DPY19L1: variants seen among roughly 807,000 people sequenced by gnomAD.
DPY19L1 encodes dpy-19 like C-mannosyltransferase 1.
DPY19L1 carries 35 observed loss-of-function variants against 96.9 expected under a neutral mutation model. That is an observed-to-expected ratio of 0.36 (90% confidence interval 0.28 to 0.48). The LOEUF (loss-of-function observed/expected upper bound fraction) is 0.48, where lower values mean the gene tolerates loss of function less well. DPY19L1 is among the 20% of genes least tolerant of loss of function. DPY19L1 has a pLI of 0.99. For missense variants in DPY19L1, 521 were observed against 777.9 expected (o/e 0.67, Z 3.93); for synonymous variants, 205 against 252.6 (o/e 0.81, Z 1.79).
chr7:34,979,328 C>T (rs1182816774), intron 7 of DPY19L1, among the ~76,000 whole-genome samples: 2 of 151,910 alleles, frequency 1.3e-5, no homozygotes, highest in African/African-American at 2.4e-5. Flanking sequence ...ATCAACATAA[C>T]CAAAATTCTG....
chr7:35,033,756 G>T (rs115006982), intron 1 of DPY19L1, among the ~76,000 whole-genome samples: 1 of 152,014 alleles, frequency 6.6e-6, no homozygotes, highest in East Asian at 1.9e-4. Context: ...CTAAGAAGTC[G>T]CAAGTGTTTC....
At chr7:34,955,997 T>C (rs189642099) in intron 11 of DPY19L1, among the ~76,000 whole-genome samples, 28 of 152,314 alleles carry the variant, frequency 1.8e-4, no homozygotes, top group Admixed American at 1.8e-3. Context: ...TGTGTGTTTA[T>C]AGTTAAATAT....
chr7:34,943,119 T>C (rs1051553185), intron 16 of DPY19L1, among the ~76,000 whole-genome samples: 6 of 152,200 alleles, frequency 3.9e-5, no homozygotes, highest in Non-Finnish European at 5.9e-5. Flanking sequence ...CCTAGAGTAA[T>C]ACCTGACACT....
intron 6 of DPY19L1, among the ~76,000 whole-genome samples, chr7:34,992,675 T>G (rs1785198973): frequency 4.0e-5 from 6 of 151,600 alleles, no homozygotes; most frequent in Admixed American, 3.9e-4. Context: ...GCCTCCAGAG[T>G]AGCTGAAACT....
At chr7:35,009,424 AAAG>A (rs1438027755) in intron 6 of DPY19L1, among the ~76,000 whole-genome samples, 3 of 152,234 alleles carry the variant, frequency 2.0e-5, no homozygotes, top group Admixed American at 6.5e-5. Flanking sequence ...AATTGGCAAA[AAAG>A]AAGTAAACAT....
intron 6 of DPY19L1, among the ~76,000 whole-genome samples, chr7:35,004,890 G>A (rs1785515993): frequency 6.6e-6 from 1 of 152,030 alleles, no homozygotes; most frequent in South Asian, 2.1e-4. Flanking sequence ...CACTCCGCAG[G>A]GGCATTGTTC....
intron 7 of DPY19L1, among the ~76,000 whole-genome samples, chr7:34,980,207 G>T (rs924624804): frequency 5.3e-5 from 8 of 152,082 alleles, no homozygotes; most frequent in African/African-American, 1.9e-4. Flanking sequence ...TATTTGGGGT[G>T]GGGTAGGGGA....
At chr7:35,016,688 T>C (rs1785855400) in intron 3 of DPY19L1, among the ~76,000 whole-genome samples, 1 of 152,182 alleles carries the variant, frequency 6.6e-6, no homozygotes, top group Non-Finnish European at 1.5e-5. Context: ...CAACCAGATA[T>C]GATGTGCCTC....
At chr7:34,997,502 C>T (rs536703793) in intron 6 of DPY19L1, among the ~76,000 whole-genome samples, 4 of 145,242 alleles carry the variant, frequency 2.8e-5, no homozygotes, top group East Asian at 2.0e-4. Context: ...CCCAGCTACT[C>T]GGGAGGCTGA....
At chr7:35,010,642 G>A (rs1785687924) in intron 5 of DPY19L1, 81 bp from the exon 6 acceptor site, 3 of 955,098 alleles carry the variant, frequency 3.1e-6, no homozygotes, top group South Asian at 1.5e-5. Context: ...ATTAAATTGT[G>A]TTCATTTTGA....
intron 1 of DPY19L1, among the ~76,000 whole-genome samples, chr7:35,027,512 T>A (rs1311280818): frequency 6.6e-6 from 1 of 151,872 alleles, no homozygotes; most frequent in East Asian, 1.9e-4. Context: ...AGTTTCAAAG[T>A]GAGAAGCAAG....
chr7:34,942,927 C>A (rs1037403620), intron 16 of DPY19L1, among the ~76,000 whole-genome samples: 6 of 152,126 alleles, frequency 3.9e-5, no homozygotes, highest in Non-Finnish European at 8.8e-5. Context: ...ACTGGTGATA[C>A]CCCAGCAAAG....
chr7:35,028,531 C>T (rs1786182723), intron 1 of DPY19L1, among the ~76,000 whole-genome samples: 1 of 152,140 alleles, frequency 6.6e-6, no homozygotes. Flanking sequence ...TCTAATTTCC[C>T]TTAAAAGTCT....
Position 34,960,490 on chromosome 7 carries a change from T to C in DPY19L1, c.1093-2420A>G, listed in dbSNP as rs1254928720. 2.0e-5 allele frequency among the ~76,000 whole-genome samples: 3 copies of C among 152,176 alleles called. No homozygotes were observed. In the East Asian group the frequency reaches 5.8e-4, roughly 29 times the overall value. ...ATTATATTAAATATGCATCAATGAA[T>C]ATGATTTCATTGTTTCCAGTAGTAG... On this transcript the variant is annotated intron_variant, in intron 10 of 21. Coordinates refer to ENST00000638088, the MANE Select transcript of DPY19L1 (RefSeq NM_001366673.1).
intron 4 of DPY19L1, among the ~76,000 whole-genome samples, chr7:35,011,777 G>A (rs1785718009): frequency 5.9e-5 from 9 of 152,144 alleles, no homozygotes; most frequent in Admixed American, 4.6e-4. Flanking sequence ...GGAATAGACC[G>A]AATTATTTAA....
intron 5 of DPY19L1, among the ~76,000 whole-genome samples, chr7:35,010,985 G>C (rs990708688): frequency 2.0e-5 from 3 of 152,124 alleles, no homozygotes; most frequent in Non-Finnish European, 4.4e-5. Flanking sequence ...CTTTCAAAAA[G>C]CCCAAGTCAC....
intron 1 of DPY19L1, among the ~76,000 whole-genome samples, chr7:35,030,761 A>G: frequency 6.6e-6 from 1 of 152,208 alleles, no homozygotes; most frequent in East Asian, 1.9e-4. Context: ...ATGTATTCTG[A>G]AAATAAATTA....
chr7:35,036,973 G>A (rs1020175610), intron 1 of DPY19L1, 124 bp downstream of exon 1: 5 of 153,596 alleles, frequency 3.3e-5, no homozygotes, highest in African/African-American at 4.9e-5. Context: ...TGGCTGGTCC[G>A]GCTGGCGGGG....
At chr7:34,951,294 T>C (rs951429627) in intron 13 of DPY19L1, among the ~76,000 whole-genome samples, 14 of 152,144 alleles carry the variant, frequency 9.2e-5, no homozygotes, top group African/African-American at 3.1e-4. Flanking sequence ...TACAATCAAT[T>C]AGCTCACAAA....
Sources: allele counts gnomAD v4.1 joint callset (sites outside exome capture counted in the v4.1 genomes callset), GRCh38; gene constraint gnomAD v4.1.1; transcripts MANE v1.5; gene names NCBI Gene and HGNC (gene_info 2026-07-23, HGNC 2026-07-21).